HIP1: variants seen among roughly 807,000 people sequenced by gnomAD.
HIP1 encodes huntingtin-interacting protein 1.
A neutral mutation model predicts 147.6 loss-of-function variants in HIP1; 65 were observed. The ratio of observed to expected loss-of-function variants is 0.44; its 90% confidence interval spans 0.36 to 0.54. HIP1 has a LOEUF of 0.54. Among genes scored for constraint, HIP1 ranks in the 20% least tolerant of loss-of-function variants. The probability of loss-of-function intolerance (pLI) is 0.00; values close to 1 mark genes in which losing one functional copy is unlikely to be tolerated. For synonymous variants in HIP1, 479 were observed against 504.0 expected, an observed-to-expected ratio of 0.95 and a Z score of 0.67; for missense variants, 1,061 against 1,299.6, an observed-to-expected ratio of 0.82 and a Z score of 2.82.
chr7:75,733,693 A>AGAC (rs1554523338), intron 1 of HIP1: 1 of 153,932 alleles, frequency 6.5e-6, no homozygotes, highest in Non-Finnish European at 1.4e-5. Flanking sequence ...CTGAGGGTAT[A>AGAC]GACGCCAGGA....
At chr7:75,562,719 C>A (rs1031533336) in intron 11 of HIP1, among the ~76,000 whole-genome samples, 4 of 152,172 alleles carry the variant, frequency 2.6e-5, no homozygotes, top group Admixed American at 2.0e-4. Context: ...CTTGGCCTTG[C>A]AAAGTGTTGG....
chr7:75,709,559 GTTTTAACAGAC>G (rs1170367557), intron 1 of HIP1, among the ~76,000 whole-genome samples: 1 of 152,104 alleles, frequency 6.6e-6, no homozygotes, highest in Non-Finnish European at 1.5e-5. Context: ...TTGCTTATTG[GTTTTAACAGAC>G]TTTTTGGTGG....
chr7:75,582,303 G>C (rs1375238347), intron 5 of HIP1, 152 bp from the exon 6 acceptor site: 1 of 624,898 alleles, frequency 1.6e-6, no homozygotes, highest in African/African-American at 1.8e-5. Context: ...TACAGTTCAA[G>C]GCCACTGCAC....
chr7:75,560,110 G>A (rs1261307047), intron 13 of HIP1, among the ~76,000 whole-genome samples, 195 bp from the exon 14 acceptor site: 5 of 152,190 alleles, frequency 3.3e-5, no homozygotes, highest in Non-Finnish European at 5.9e-5. Context: ...GATGATGGCC[G>A]GGGAATTGTG....
intron 1 of HIP1, among the ~76,000 whole-genome samples, chr7:75,730,669 T>TG (rs1554522914): frequency 6.6e-6 from 1 of 151,522 alleles, no homozygotes; most frequent in Non-Finnish European, 1.5e-5. Flanking sequence ...ATACATGTGT[T>TG]GCAAGGATCG....
chr7:75,725,118 G>C (rs538916108), intron 1 of HIP1, among the ~76,000 whole-genome samples: 1 of 152,070 alleles, frequency 6.6e-6, no homozygotes, highest in South Asian at 2.1e-4. Context: ...CTCCAACTTG[G>C]GCTCAAGCGA....
intron 1 of HIP1, among the ~76,000 whole-genome samples, chr7:75,620,982 C>T (rs917890058): frequency 5.3e-5 from 8 of 152,046 alleles, no homozygotes; most frequent in Non-Finnish European, 1.0e-4. Flanking sequence ...AAAATCTCAG[C>T]ACTTTGGGAG....
rs1405024035 is a variant in HIP1, at chr7:75,573,845, G to A, written c.661C>T (p.Arg221Cys). The A allele has an allele frequency of 9.3e-6, 15 of 1,613,816 alleles. No homozygotes were observed. The African/African-American group carries it at 1.1e-4, about 11-fold the overall frequency. ...SVSVTAAGQC[R>C]LAPLIQVILD... ...ATGACCTGGATCAGCGGGGCGAGGCGGCACTGCCCTGCTGCCGTCACGGAC... is the reference window on the plus strand; with the variant it reads ...ATGACCTGGATCAGCGGGGCGAGGCAGCACTGCCCTGCTGCCGTCACGGAC... Residue 221 changes from arginine to cysteine, a missense_variant, in exon 8 of 31, where the codon CGC becomes TGC. By Grantham distance (180) the Arg-to-Cys change is radical. This residue lies in a region of HIP1 where 225 missense variants were observed against 292.9 expected (regional missense o/e 0.77). Coordinates refer to ENST00000336926, the MANE Select transcript of HIP1 (RefSeq NM_005338.7).
chr7:75,676,071 A>C (rs1385626318), intron 1 of HIP1, among the ~76,000 whole-genome samples: 1 of 152,174 alleles, frequency 6.6e-6, no homozygotes, highest in East Asian at 1.9e-4. Context: ...TCATGCTGGA[A>C]GTCAGATTCT....
intron 8 of HIP1, among the ~76,000 whole-genome samples, chr7:75,572,370 T>C (rs1259185807): frequency 6.6e-6 from 1 of 152,218 alleles, no homozygotes; most frequent in Non-Finnish European, 1.5e-5. Context: ...ATAATTTATA[T>C]TTCTCCATAA....
rs191869241 is a variant in HIP1, at chr7:75,651,074, C to T, written c.121-51827G>A. Among the ~76,000 whole-genome samples, 166 of 152,116 alleles carry T rather than the reference C, an allele frequency of 1.1e-3. 1 individual carries two copies. Among genetic ancestry groups the T allele is most frequent in the Non-Finnish European group, 3.7e-4 (25 of 67,998 alleles). ...GAGAGCCACGACATGAGCTCTGCAA[C>T]CAAAGCCATTTAGCAAGAGACAGCT... On this transcript the variant is annotated intron_variant, in intron 1 of 30. Transcript: ENST00000336926.
At chr7:75,579,742 T>C (rs1157585600) in intron 7 of HIP1, among the ~76,000 whole-genome samples, 1 of 152,110 alleles carries the variant, frequency 6.6e-6, no homozygotes, top group African/African-American at 2.4e-5. Context: ...ATGAACAAGC[T>C]GAAGGAAGCT....
At chr7:75,589,712 A>G (rs1158113421) in intron 4 of HIP1, among the ~76,000 whole-genome samples, 6 of 103,012 alleles carry the variant, frequency 5.8e-5, no homozygotes, top group African/African-American at 2.7e-4. Flanking sequence ...AAAAAAAAAA[A>G]AAAGACTTTT....
intron 23 of HIP1, among the ~76,000 whole-genome samples, chr7:75,548,201 G>A (rs587656728): frequency 2.6e-5 from 4 of 151,946 alleles, no homozygotes; most frequent in East Asian, 1.9e-4. Context: ...GCTAATTTTT[G>A]TATGTTTAGT....
intron 1 of HIP1, among the ~76,000 whole-genome samples, chr7:75,638,181 A>C (rs1554509989): frequency 6.6e-6 from 1 of 151,836 alleles, no homozygotes; most frequent in African/African-American, 2.4e-5. Flanking sequence ...TGAGATGGCA[A>C]GGGCACCCTT....
intron 1 of HIP1, among the ~76,000 whole-genome samples, chr7:75,705,849 A>C (rs1490460595): frequency 6.6e-6 from 1 of 152,184 alleles, no homozygotes; most frequent in South Asian, 2.1e-4. Flanking sequence ...TCTATCCAGA[A>C]GCAAAATTGA....
At chr7:75,613,417 G>C (rs1797517414) in intron 1 of HIP1, among the ~76,000 whole-genome samples, 1 of 152,042 alleles carries the variant, frequency 6.6e-6, no homozygotes, top group South Asian at 2.1e-4. Flanking sequence ...TTCTTCTCTT[G>C]ATCAAAAATA....
At chr7:75,570,605 T>C (rs1445951921) in intron 8 of HIP1, among the ~76,000 whole-genome samples, 3 of 152,088 alleles carry the variant, frequency 2.0e-5, no homozygotes, top group Non-Finnish European at 4.4e-5. Flanking sequence ...GTGGCAAATG[T>C]TTCATACTAA....
Position 75,539,309 on chromosome 7 carries a change from T to C in HIP1, c.3061+14A>G. On this transcript the variant is annotated intron_variant, in intron 30 of 30. Coordinates refer to ENST00000336926, the MANE Select transcript of HIP1 (RefSeq NM_005338.7). ...CCTGCTGCGGGTTAGTGCCCATCCT[T>C]GGAGTCAGCTTACCTTCTTCCCAGC... 1 of 1,598,280 alleles carries C rather than the reference T, an allele frequency of 6.3e-7. No individual in the cohort carries two copies. The highest frequency in any genetic ancestry group is 8.6e-7 in the Non-Finnish European group (1 of 1,165,570).
Sources: allele counts gnomAD v4.1 joint callset (sites outside exome capture counted in the v4.1 genomes callset), GRCh38; gene constraint gnomAD v4.1.1; regional missense constraint gnomAD v4.1.1; transcripts MANE v1.5; gene names NCBI Gene and HGNC (gene_info 2026-07-23, HGNC 2026-07-21).